Variants in KHDRBS3 observed in about 807,000 individuals in gnomAD.
The protein encoded by KHDRBS3 is KH domain-containing, RNA-binding, signal transduction-associated protein 3.
KHDRBS3 carries 23 observed loss-of-function variants against 45.6 expected under a neutral mutation model. The observed-to-expected ratio is 0.50, with a 90% confidence interval of 0.36 to 0.72. The LOEUF is 0.72. KHDRBS3 is among the 30% of genes least tolerant of loss of function. The pLI is 0.00. For synonymous variants in KHDRBS3, 162 were observed against 156.5 expected (o/e 1.04, Z -0.26); for missense variants, 352 against 424.8 (o/e 0.83, Z 1.51).
In KHDRBS3 at chr8:135,582,092, C is replaced by A; in HGVS notation, c.807+19C>A. 1 of 1,512,648 alleles carries A rather than the reference C, an allele frequency of 6.6e-7. No homozygotes were observed. The allele number at this position is 1,512,648 out of a possible 1,614,324, so 93.7% of individuals were successfully genotyped here. ...AGAATATGTAAGTGAAGGTGTCAGACAACAGCCTTGTTCATCAGATTGACT... is the reference window on the plus strand; with the variant it reads ...AGAATATGTAAGTGAAGGTGTCAGAAAACAGCCTTGTTCATCAGATTGACT... On this transcript the variant is annotated intron_variant, in intron 6 of 8. Transcript: ENST00000355849.
rs538474889 is a variant in KHDRBS3 at position 135,633,693 on chromosome 8, T to C, written c.891-11366T>C. On this transcript the variant is annotated intron_variant, in intron 7 of 8. Coordinates refer to ENST00000355849, the MANE Select transcript of KHDRBS3 (RefSeq NM_006558.3). ...TTCTGTTTTGTCCCTGGGAGATAAA[T>C]TTTCAGTTATGACTTTTTTAAAGAT... is the stretch of plus-strand genomic sequence containing the variant. Among the ~76,000 whole-genome samples the C allele has an allele frequency of 9.9e-5, 15 of 152,264 alleles. No individual in the cohort carries two copies. The South Asian group carries it at 3.1e-3, about 32-fold the overall frequency.
rs759554527 is a variant in KHDRBS3, at chr8:135,557,584, C to A, written c.608C>A (p.Thr203Asn). 11 of 1,609,778 alleles carry A rather than the reference C, an allele frequency of 6.8e-6. 1 individual carries two copies. In the South Asian group the frequency reaches 1.1e-4, roughly 16 times the overall value. Residue 203 changes from threonine (T) to asparagine (N), a missense_variant, in exon 5 of 9, where the codon ACC becomes AAC. Transcript: ENST00000355849. ...AGAGGTGTACCAGCCCCAGCAATAA[C>A]CAGGTAGGTGTAAATTTTTTTTTAG... ...RTRGVPAPAI[T>N]RGRGGVTARP...
At chr8:135,611,864 G>A (rs1168338170) in intron 7 of KHDRBS3, among the ~76,000 whole-genome samples, 1 of 151,740 alleles carries the variant, frequency 6.6e-6, no homozygotes, top group Non-Finnish European at 1.5e-5. Context: ...AACACTGCAT[G>A]TTTCAGAATT....
chr8:135,521,404 G>A lies in KHDRBS3; in HGVS notation c.207+49G>A, dbSNP rs540276356. On this transcript the variant is annotated intron_variant, in intron 2 of 8. Coordinates refer to ENST00000355849, the MANE Select transcript of KHDRBS3 (RefSeq NM_006558.3). ...CAGGTATTTTAACCTGAATCAAAGG[G>A]GAGCAGATGTTTAATTTATATTCTG... 4 of 979,620 alleles carry A rather than the reference G, an allele frequency of 4.1e-6. No homozygotes were observed. The African/African-American group carries it at 4.9e-5, about 12-fold the overall frequency. The allele number at this position is 979,620 out of a possible 1,614,324, so 60.7% of individuals were successfully genotyped here.
At chr8:135,631,889 A>G (rs925179868) in intron 7 of KHDRBS3, among the ~76,000 whole-genome samples, 1 of 152,212 alleles carries the variant, frequency 6.6e-6, no homozygotes, top group African/African-American at 2.4e-5. Context: ...CCGGCAGCAC[A>G]ATAGATTTAT....
chr8:135,530,059 C>CAAAAAAAAAAAAA (rs11428464), intron 2 of KHDRBS3, among the ~76,000 whole-genome samples: 7 of 136,626 alleles, frequency 5.1e-5, no homozygotes, highest in African/African-American at 2.0e-4. Context: ...ACTCCCATCT[C>CAAAAAAAAAAAAA]AAAAAAAAAA....
At chr8:135,462,154 A>G (rs1302703912) in intron 1 of KHDRBS3, among the ~76,000 whole-genome samples, 1 of 151,848 alleles carries the variant, frequency 6.6e-6, no homozygotes, top group Non-Finnish European at 1.5e-5. Context: ...CCTTCATGCT[A>G]TAGTTTGTGA....
At chr8:135,591,776 G>A (rs912866944) in intron 6 of KHDRBS3, among the ~76,000 whole-genome samples, 12 of 152,128 alleles carry the variant, frequency 7.9e-5, no homozygotes, top group Admixed American at 5.2e-4. Flanking sequence ...TTTTGAGAAA[G>A]CTAGAGCTCA....
At position 135,542,635 on chromosome 8, in the gene KHDRBS3, GGT is replaced by G; in HGVS notation, c.208-18_208-17del. On this transcript the variant is annotated splice_polypyrimidine_tract_variant and intron_variant, in intron 2 of 8. Transcript: ENST00000355849. ...TTTCACATATAAATGCTACAAATTT[GGT>G]TGTTTATTTTTCCTAGTTCAACTTT... is the stretch of plus-strand genomic sequence containing the variant. 1 of 1,481,238 alleles carries G rather than the reference GGT, an allele frequency of 6.8e-7. No individual in the cohort carries two copies. The highest frequency in any genetic ancestry group is 1.4e-5 in the African/African-American group (1 of 72,140). The allele number at this position is 1,481,238 out of a possible 1,614,324, so 91.8% of individuals were successfully genotyped here.
intron 8 of KHDRBS3, among the ~76,000 whole-genome samples, chr8:135,645,573 A>G (rs1035888057): frequency 2.0e-5 from 3 of 152,212 alleles, no homozygotes; most frequent in African/African-American, 7.2e-5. Flanking sequence ...GAGTCATTTC[A>G]TAAAGGTTAC....
intron 7 of KHDRBS3, among the ~76,000 whole-genome samples, chr8:135,638,217 T>C (rs990279199): frequency 7.2e-5 from 11 of 152,190 alleles, no homozygotes; most frequent in African/African-American, 2.7e-4. Flanking sequence ...CTGCTCTGCC[T>C]CCAACTCAGT....
At chr8:135,521,488 A>T in intron 2 of KHDRBS3, 133 bp downstream of exon 2, 1 of 493,410 alleles carries the variant, frequency 2.0e-6, no homozygotes, top group Non-Finnish European at 3.6e-6. Context: ...TTTAAAGTTA[A>T]TTAAAAACTT....
At chr8:135,559,683 C>G (rs1220796148) in intron 5 of KHDRBS3, among the ~76,000 whole-genome samples, 1 of 152,128 alleles carries the variant, frequency 6.6e-6, no homozygotes, top group East Asian at 1.9e-4. Flanking sequence ...TTTAAAAACT[C>G]TTCTGAAAGT....
chr8:135,651,100 G>A (rs1410613699), downstream of KHDRBS3, among the ~76,000 whole-genome samples: 1 of 152,048 alleles, frequency 6.6e-6, no homozygotes, highest in African/African-American at 2.4e-5. Context: ...AGGCAAGTTG[G>A]TCAGAGGTAG....
At chr8:135,476,555 T>C (rs1197648932) in intron 1 of KHDRBS3, among the ~76,000 whole-genome samples, 1 of 152,208 alleles carries the variant, frequency 6.6e-6, no homozygotes, top group Non-Finnish European at 1.5e-5. Context: ...TGGAAATCAT[T>C]ATCCTTGCAC....
intron 7 of KHDRBS3, among the ~76,000 whole-genome samples, chr8:135,632,250 A>T (rs546816493): frequency 6.6e-6 from 1 of 152,124 alleles, no homozygotes; most frequent in Non-Finnish European, 1.5e-5. Context: ...GCCACACTTG[A>T]TGAGGGAATC....
In KHDRBS3 at chr8:135,536,989, AAAAAAAAAGGAG is replaced by A. The variant is rs1825803058; in HGVS notation, c.208-5663_208-5652del. Among the ~76,000 whole-genome samples the A allele has an allele frequency of 6.3e-5, 3 of 47,444 alleles. 1 individual carries two copies. The highest frequency in any genetic ancestry group is 2.0e-4 in the African/African-American group (2 of 9,882). The allele number at this position is 47,444 out of a possible 152,430, so 31.1% of individuals were successfully genotyped here. A position where few individuals can be genotyped will look rare whatever the true frequency, so the allele number is the denominator to read the frequency against. ...CTCAAAAAAAAAAAAAAAAAAAAAA[AAAAAAAAAGGAG>A]ATGTTTAGGAGGTAAAATCATTAAC... is the stretch of plus-strand genomic sequence containing the variant. On this transcript the variant is annotated intron_variant, in intron 2 of 8. Transcript: ENST00000355849.
At chr8:135,596,119 A>G (rs969110868) in intron 6 of KHDRBS3, among the ~76,000 whole-genome samples, 1 of 152,152 alleles carries the variant, frequency 6.6e-6, no homozygotes, top group Non-Finnish European at 1.5e-5. Context: ...TCATGTGACT[A>G]TTTCCTCAAC....
chr8:135,563,036 C>T (rs1827241305), intron 5 of KHDRBS3, among the ~76,000 whole-genome samples: 2 of 152,080 alleles, frequency 1.3e-5, no homozygotes, highest in South Asian at 4.1e-4. Context: ...TCATCTCTGC[C>T]ATCCTTCCCA....
Sources: allele counts gnomAD v4.1 joint callset (sites outside exome capture counted in the v4.1 genomes callset), GRCh38; gene constraint gnomAD v4.1.1; transcripts MANE v1.5; gene names NCBI Gene and HGNC (gene_info 2026-07-23, HGNC 2026-07-21).